Variants in PIWIL3 observed in about 807,000 individuals in gnomAD.
The protein encoded by PIWIL3 is piwi like RNA-mediated gene silencing 3.
PIWIL3 carries 101 observed loss-of-function variants against 109.7 expected under a neutral mutation model. That is an observed-to-expected ratio of 0.92 (90% CI 0.78 to 1.09). The LOEUF is 1.09. Among genes scored for constraint, PIWIL3 ranks in the 50% least tolerant of loss-of-function variants. The probability of loss-of-function intolerance (pLI) is 0.00; values close to 1 mark genes in which losing one functional copy is unlikely to be tolerated. For synonymous variants in PIWIL3, 373 were observed against 376.4 expected (o/e 0.99, Z 0.10); for missense variants, 1,031 against 1,072.6 (o/e 0.96, Z 0.54).
chr22:24,754,682 A>T, intron 7 of PIWIL3, 102 bp downstream of exon 7: 1 of 899,364 alleles, frequency 1.1e-6, no homozygotes, highest in Non-Finnish European at 1.8e-6. Flanking sequence ...TTAAAAGGCC[A>T]TCACTTTTAA....
At chr22:24,745,436 A>T (rs1303425149) in intron 12 of PIWIL3, among the ~76,000 whole-genome samples, 1 of 151,956 alleles carries the variant, frequency 6.6e-6, no homozygotes, top group African/African-American at 2.4e-5. Context: ...AGGTGCTGGG[A>T]CTCGGGAGAC....
intron 9 of PIWIL3, among the ~76,000 whole-genome samples, chr22:24,750,784 G>A (rs1212937485): frequency 1.3e-5 from 2 of 149,518 alleles, no homozygotes; most frequent in South Asian, 2.1e-4. Context: ...CACTGCGCCC[G>A]GCCCATATTT....
rs56087060 is a variant in PIWIL3, at chr22:24,720,259, GTTTTTTTTTT to G, written c.2358-374_2358-365del. Among the ~76,000 whole-genome samples the G allele has an allele frequency of 3.1e-3, 332 of 105,532 alleles. 21 individuals carry two copies. The highest frequency in any genetic ancestry group is 5.8e-3 in the East Asian group (20 of 3,422). 69.2% of individuals were successfully genotyped at this position (105,532 alleles called of 152,430 possible). Reference sequence around the variant, plus strand: ...AGAATCACTGGACTATATTTAAACTGTTTTTTTTTTTTTTTTTTTTTTTTTTTTTTTAGAC... The same window carrying G: ...AGAATCACTGGACTATATTTAAACTGTTTTTTTTTTTTTTTTTTTTTAGAC... On this transcript the variant is annotated intron_variant, in intron 19 of 20. Coordinates refer to ENST00000616349, the MANE Select transcript of PIWIL3 (RefSeq NM_001255975.1).
Position 24,748,994 on chromosome 22 carries a change from T to G in PIWIL3, c.1362A>C (p.Gln454His). Residue 454 changes from glutamine to histidine, a missense_variant, in exon 12 of 21, where the codon CAA becomes CAC. Physicochemically the swap from Gln to His is conservative, Grantham distance 24. Coordinates refer to ENST00000616349, the MANE Select transcript of PIWIL3 (RefSeq NM_001255975.1). ...QDNKKVRELLQLWDLKFDTNF... is the reference protein window; with the variant it reads ...QDNKKVRELLHLWDLKFDTNF... ...TGGTATCAAATTTCAAATCCCAGAG[T>G]TGAAGTAACTCTCGTACTTTTTTAT... The G allele has an allele frequency of 6.2e-7, 1 of 1,613,372 alleles. No individual in the cohort carries two copies. Among genetic ancestry groups the G allele is most frequent in the South Asian group, 1.1e-5 (1 of 90,968 alleles).
Position 24,744,177 on chromosome 22 carries a change from TTAAAA to T in PIWIL3, c.1449+4725_1449+4729del, listed in dbSNP as rs1924178753. On this transcript the variant is annotated intron_variant, in intron 12 of 20. Transcript: ENST00000616349. Reference sequence around the variant, plus strand: ...AACTCTAATTGAAAGAGTGACCGAATTAAAAAAAAAAAAAAAAAAAAAAAAAAAAA... The same window carrying T: ...AACTCTAATTGAAAGAGTGACCGAATAAAAAAAAAAAAAAAAAAAAAAAAA... Among the ~76,000 whole-genome samples the T allele has an allele frequency of 8.4e-4, 30 of 35,860 alleles. 3 individuals carry two copies. In the South Asian group the frequency reaches 0.02, roughly 24 times the overall value. The allele number at this position is 35,860 out of a possible 152,430, so 23.5% of individuals were successfully genotyped here.
At position 24,755,831 on chromosome 22, in the gene PIWIL3, CG is replaced by C; in HGVS notation, c.644del (p.Thr215SerfsTer70). 1 of 1,613,868 alleles carries C rather than the reference CG, an allele frequency of 6.2e-7. No individual in the cohort carries two copies. The highest frequency in any genetic ancestry group is 8.5e-7 in the Non-Finnish European group (1 of 1,179,932). Reference protein sequence around the residue: ...KITVEFSKELTPTSPDCLRYY... With the variant: ...KITVEFSKELXPTSPDCLRYY... ...AGCGTAGGCAATCTGGCGACGTGGG[CG>C]TGAGTTCTTTGGAAAACTCAACTGT... On this transcript the variant is annotated frameshift_variant, in exon 6 of 21. Coordinates refer to ENST00000616349, the MANE Select transcript of PIWIL3 (RefSeq NM_001255975.1). LOFTEE classifies it high-confidence loss of function.
At chr22:24,748,443 T>C (rs1306253635) in intron 12 of PIWIL3, among the ~76,000 whole-genome samples, 1 of 152,206 alleles carries the variant, frequency 6.6e-6, no homozygotes, top group Non-Finnish European at 1.5e-5. Context: ...GTTTGTAACA[T>C]GAAGGACAAA....
chr22:24,734,197 C>T, intron 13 of PIWIL3, 41 bp from the exon 14 acceptor site: 2 of 1,591,274 alleles, frequency 1.3e-6, no homozygotes, highest in African/African-American at 2.7e-5. Context: ...AAGATACCAA[C>T]CAGTGAAACA....
chr22:24,741,830 A>G (rs1223705356), intron 12 of PIWIL3, among the ~76,000 whole-genome samples: 1 of 149,476 alleles, frequency 6.7e-6, no homozygotes, highest in Non-Finnish European at 1.5e-5. Flanking sequence ...CCCCCCCAAG[A>G]ACTGCAACAA....
chr22:24,762,572 A>ACT, intron 1 of PIWIL3, 51 bp from the exon 2 acceptor site: 1 of 1,442,196 alleles, frequency 6.9e-7, no homozygotes, highest in Non-Finnish European at 9.4e-7. Flanking sequence ...CTGGTGTCTT[A>ACT]CTCTCTTTAG....
intron 12 of PIWIL3, among the ~76,000 whole-genome samples, chr22:24,739,819 G>A (rs1923876855): frequency 6.6e-6 from 1 of 152,110 alleles, no homozygotes; most frequent in Non-Finnish European, 1.5e-5. Flanking sequence ...GAGAGGCCGA[G>A]GCGGGAGGAT....
chr22:24,735,361 C>T (rs1923599076), intron 13 of PIWIL3, among the ~76,000 whole-genome samples: 1 of 152,098 alleles, frequency 6.6e-6, no homozygotes, highest in Non-Finnish European at 1.5e-5. Flanking sequence ...TTATTGGGGG[C>T]AGGATATATA....
chr22:24,754,865 C>T lies in PIWIL3; in HGVS notation c.693-1G>A. 1.9e-6 allele frequency: 3 copies of T among 1,610,478 alleles called. No homozygotes were observed. The highest frequency in any genetic ancestry group is 1.7e-4 in the Middle Eastern group (1 of 6,050). On this transcript the variant is annotated splice_acceptor_variant, in intron 6 of 20. Transcript: ENST00000616349. LOFTEE classifies it high-confidence loss of function. ...TTCAAAATCCAGCAGCTTGAAAGTT[C>T]TGGAAATGGAAAGAATAGATTTTGT...
Position 24,735,037 on chromosome 22 carries a change from GTAAAAAAA to G in PIWIL3, c.1634+663_1634+670del, listed in dbSNP as rs759993197. Among the ~76,000 whole-genome samples, 84 of 151,884 alleles carry G rather than the reference GTAAAAAAA, an allele frequency of 5.5e-4. 1 individual carries two copies. Among genetic ancestry groups the G allele is most frequent in the African/African-American group, 1.8e-3 (73 of 41,408 alleles). The stretch of plus-strand genomic sequence containing the variant: ...CTAAAAAGGCAAAACCATGGAGACG[GTAAAAAAA>G]TAAAAAAATAAAAAAATAAATAAAT... On this transcript the variant is annotated intron_variant, in intron 13 of 20. Coordinates refer to ENST00000616349, the MANE Select transcript of PIWIL3 (RefSeq NM_001255975.1).
chr22:24,752,338 C>T (rs1020954279), intron 8 of PIWIL3, among the ~76,000 whole-genome samples: 1 of 152,138 alleles, frequency 6.6e-6, no homozygotes, highest in African/African-American at 2.4e-5. Flanking sequence ...CTCTTCCCTT[C>T]TCCTTGTCCC....
Position 24,754,207 on chromosome 22 carries a change from C to T in PIWIL3, c.784G>A (p.Glu262Lys). 1.2e-6 allele frequency: 2 copies of T among 1,612,462 alleles called. No homozygotes were observed. Among genetic ancestry groups the T allele is most frequent in the Non-Finnish European group, 1.7e-6 (2 of 1,178,556 alleles). The part of the protein sequence containing the change: ...IQLYRHGTSL[E>K]IWLGYVTSVL... ...GAAGTAACATAACCAAGCCAGATTT[C>T]CAAACTGGTACTAGAATAAATTACA... Residue 262 changes from glutamate to lysine, a missense_variant, in exon 8 of 21, where the codon GAA becomes AAA. By Grantham distance (56) the Glu-to-Lys change is moderately conservative (BLOSUM62 1). Transcript: ENST00000616349.
At chr22:24,766,444 G>A (rs868434434) in intron 1 of PIWIL3, among the ~76,000 whole-genome samples, 1 of 151,758 alleles carries the variant, frequency 6.6e-6, no homozygotes, top group Non-Finnish European at 1.5e-5. Flanking sequence ...TCAGCCTCCC[G>A]AGTAGCTGGA....
intron 18 of PIWIL3, among the ~76,000 whole-genome samples, chr22:24,723,769 A>C (rs1922821657): frequency 6.6e-6 from 1 of 151,966 alleles, no homozygotes; most frequent in Admixed American, 6.6e-5. Flanking sequence ...CCCTCTCCCA[A>C]GTTCAAGTGA....
intron 14 of PIWIL3, 110 bp from the exon 15 acceptor site, chr22:24,728,484 A>G: frequency 1.6e-6 from 2 of 1,280,336 alleles, no homozygotes; most frequent in South Asian, 2.7e-5. Context: ...GCTAGAGTCA[A>G]TTTATTAAGA....
Sources: allele counts gnomAD v4.1 joint callset (sites outside exome capture counted in the v4.1 genomes callset), GRCh38; gene constraint gnomAD v4.1.1; transcripts MANE v1.5; gene names NCBI Gene and HGNC (gene_info 2026-07-23, HGNC 2026-07-21).